The following ARHGEF28 variants were observed in gnomAD, a reference collection of about 807,000 sequenced individuals.
ARHGEF28 encodes Rho guanine nucleotide exchange factor 28.
In ARHGEF28, 152 loss-of-function variants were observed where a neutral mutation model predicts 206.6. The ratio of observed to expected loss-of-function variants is 0.74; its 90% CI spans 0.64 to 0.84. ARHGEF28 has a LOEUF of 0.84. Among genes scored for constraint, ARHGEF28 ranks in the 40% least tolerant of loss-of-function variants. The pLI, the probability that ARHGEF28 is intolerant of heterozygous loss-of-function variation, is 0.00. For synonymous variants in ARHGEF28, 763 were observed against 776.4 expected, an observed-to-expected ratio of 0.98 and a Z score of 0.29; for missense variants, 2,028 against 2,073.2, an observed-to-expected ratio of 0.98 and a Z score of 0.42.
chr5:73,881,687 C>T (rs951875006), intron 22 of ARHGEF28, among the ~76,000 whole-genome samples: 1 of 152,158 alleles, frequency 6.6e-6, no homozygotes, highest in Non-Finnish European at 1.5e-5. Flanking sequence ...TTACAATGCT[C>T]TTCAAGGGGA....
intron 35 of ARHGEF28, among the ~76,000 whole-genome samples, chr5:73,933,806 C>T (rs1205716074): frequency 6.6e-6 from 1 of 151,738 alleles, no homozygotes; most frequent in Non-Finnish European, 1.5e-5. Flanking sequence ...GATAAGGACT[C>T]TTTTTTTTCT....
intron 4 of ARHGEF28, among the ~76,000 whole-genome samples, chr5:73,769,464 C>T (rs933455314): frequency 3.8e-4 from 58 of 152,122 alleles, no homozygotes; most frequent in African/African-American, 1.3e-3. Context: ...GAAACATATC[C>T]TGTGTATTTT....
chr5:73,879,337 T>G (rs1760754535), intron 22 of ARHGEF28, among the ~76,000 whole-genome samples: 1 of 152,184 alleles, frequency 6.6e-6, no homozygotes, highest in Non-Finnish European at 1.5e-5. Flanking sequence ...TAAATTTTTT[T>G]CAAAGTTTTC....
At chr5:73,679,269 T>A (rs1055889879) in intron 1 of ARHGEF28, among the ~76,000 whole-genome samples, 1 of 152,208 alleles carries the variant, frequency 6.6e-6, no homozygotes, top group African/African-American at 2.4e-5. Context: ...AGATACTCTT[T>A]CAAAATGTTG....
chr5:73,752,658 C>G lies in ARHGEF28; in HGVS notation c.182-251C>G, dbSNP rs563065656. On this transcript the variant is annotated intron_variant, in intron 3 of 35. Transcript: ENST00000513042. Reference sequence around the variant, plus strand: ...GCAGTGTTTGGTAACGATAGGAGAACAGATGCTCAAGTGTTCAGAGCTCGT... The same window carrying G: ...GCAGTGTTTGGTAACGATAGGAGAAGAGATGCTCAAGTGTTCAGAGCTCGT... 3.9e-5 allele frequency among the ~76,000 whole-genome samples: 6 copies of G among 152,272 alleles called. No homozygotes were observed. In the East Asian group the frequency reaches 9.6e-4, roughly 24 times the overall value.
In ARHGEF28 at chr5:73,893,303, CT is replaced by C; in HGVS notation, c.3658+17del. ...GCAATGTCAAGGTACAGTGCAGGCA[CT>C]TCTGGCTCCCTGGTCGTGGTGTTCT... On this transcript the variant is annotated intron_variant, in intron 28 of 35. Coordinates refer to ENST00000513042, the MANE Select transcript of ARHGEF28 (RefSeq NM_001177693.2). 6.5e-7 allele frequency: 1 copy of C among 1,530,658 alleles called. No individual in the cohort carries two copies. Among genetic ancestry groups the C allele is most frequent in the Non-Finnish European group, 8.8e-7 (1 of 1,137,114 alleles). The allele number at this position is 1,530,658 out of a possible 1,614,324, so 94.8% of individuals were successfully genotyped here.
chr5:73,861,119 CA>C lies in ARHGEF28; in HGVS notation c.2047+2903del, dbSNP rs552845755. On this transcript the variant is annotated intron_variant, in intron 16 of 35. Coordinates refer to ENST00000513042, the MANE Select transcript of ARHGEF28 (RefSeq NM_001177693.2). ...CTTGAGTTTTAACTATTAAAAGAAA[CA>C]AAGTTATTTTAGGGCCCTAATCACA... 4.2e-4 allele frequency among the ~76,000 whole-genome samples: 64 copies of C among 152,232 alleles called. 1 individual carries two copies. Among genetic ancestry groups the C allele is most frequent in the African/African-American group, 1.4e-3 (57 of 41,538 alleles).
intron 12 of ARHGEF28, among the ~76,000 whole-genome samples, chr5:73,847,786 T>C (rs1758456368): frequency 6.6e-6 from 1 of 152,210 alleles, no homozygotes; most frequent in South Asian, 2.1e-4. Context: ...TTACCACGTA[T>C]ACATGACTCT....
At chr5:73,817,636 A>G (rs1295054777) in intron 9 of ARHGEF28, among the ~76,000 whole-genome samples, 2 of 152,212 alleles carry the variant, frequency 1.3e-5, no homozygotes, top group African/African-American at 4.8e-5. Flanking sequence ...TGTCTTGTAG[A>G]AGACCTGTAT....
At chr5:73,680,434 CAAAAAAAAAAAAAA>C (rs71615795) in intron 1 of ARHGEF28, among the ~76,000 whole-genome samples, 7 of 30,512 alleles carry the variant, frequency 2.3e-4, no homozygotes, top group Non-Finnish European at 3.6e-4. Context: ...GACTCCATCT[CAAAAAAAAAAAAAA>C]AAAAAAAAAA....
At chr5:73,939,381 CA>C (rs1479126086) in intron 35 of ARHGEF28, among the ~76,000 whole-genome samples, 6 of 152,304 alleles carry the variant, frequency 3.9e-5, no homozygotes, top group East Asian at 1.9e-4. Context: ...CATTTAGGAT[CA>C]GGGGCAGTAG....
chr5:73,696,762 A>T (rs1168100855), intron 2 of ARHGEF28, among the ~76,000 whole-genome samples: 1 of 152,230 alleles, frequency 6.6e-6, no homozygotes, highest in East Asian at 1.9e-4. Context: ...CATGTATTAC[A>T]TAATAAATAT....
At chr5:73,718,920 C>T (rs763196091) in intron 2 of ARHGEF28, among the ~76,000 whole-genome samples, 10 of 152,224 alleles carry the variant, frequency 6.6e-5, no homozygotes, top group Non-Finnish European at 1.3e-4. Context: ...CTCGGCATTG[C>T]TGTGTTTACT....
chr5:73,914,437 C>T (rs891444612), intron 35 of ARHGEF28, among the ~76,000 whole-genome samples: 2 of 141,260 alleles, frequency 1.4e-5, no homozygotes, highest in Admixed American at 7.4e-5. Context: ...CTCTTTGTCG[C>T]CCAGGCTGGA....
intron 10 of ARHGEF28, among the ~76,000 whole-genome samples, chr5:73,834,740 G>A (rs541199871): frequency 6.6e-6 from 1 of 152,218 alleles, no homozygotes; most frequent in African/African-American, 2.4e-5. Context: ...GTTGCCTACA[G>A]TATTCTGTAT....
At chr5:73,714,157 G>C (rs1437630239) in intron 2 of ARHGEF28, among the ~76,000 whole-genome samples, 1 of 152,176 alleles carries the variant, frequency 6.6e-6, no homozygotes, top group African/African-American at 2.4e-5. Context: ...GCCTGCATCA[G>C]TGACTGACAA....
intron 1 of ARHGEF28, among the ~76,000 whole-genome samples, chr5:73,655,623 G>A (rs189716721): frequency 8.7e-4 from 133 of 152,238 alleles, no homozygotes; most frequent in Non-Finnish European, 1.6e-4. Flanking sequence ...ACAAAGTTCT[G>A]TGTGTAGGCA....
chr5:73,768,210 A>AC (rs148072618), intron 4 of ARHGEF28, among the ~76,000 whole-genome samples: 8,883 of 152,024 alleles, frequency 0.058, 466 homozygotes, highest in African/African-American at 0.12. Context: ...GTGAGGTGGG[A>AC]CCCCCCACAC....
intron 2 of ARHGEF28, among the ~76,000 whole-genome samples, chr5:73,725,175 A>T (rs1310384381): frequency 6.6e-6 from 1 of 152,238 alleles, no homozygotes; most frequent in Non-Finnish European, 1.5e-5. Flanking sequence ...CTGTGTCATT[A>T]AATATTAAAT....
Sources: gnomAD v4.1 joint callset for allele counts (sites outside exome capture counted in the v4.1 genomes callset) on GRCh38, gnomAD v4.1.1 for gene constraint, MANE v1.5 for transcripts, NCBI Gene and HGNC (gene_info 2026-07-23, HGNC 2026-07-21) for gene names.